Variants in JPT2 observed in about 807,000 individuals in gnomAD.
JPT2 encodes the protein Jupiter microtubule associated homolog 2.
Under a neutral mutation model 15.9 loss-of-function variants are expected in JPT2, and 9 were observed. The ratio of observed to expected loss-of-function variants is 0.57; its 90% CI spans 0.34 to 0.99. The LOEUF is 0.99. Ranked by LOEUF, JPT2 falls within the 50% of genes least tolerant of loss-of-function variation. The pLI, the probability that JPT2 is intolerant of heterozygous loss-of-function variation, is 0.02. For synonymous variants in JPT2, 95 were observed against 91.7 expected (o/e 1.04, Z -0.21); for missense variants, 267 against 252.1 (o/e 1.06, Z -0.40).
Position 1,701,100 on chromosome 16 carries a change from A to G in JPT2, c.*2102A>G, listed in dbSNP as rs2037177546. Reference sequence around the variant, plus strand: ...ACTGGGAGAAGAAGAGTTCCTGCGCATGCAAGCCCTGCTGTGTGGCTGTCG... The same window carrying G: ...ACTGGGAGAAGAAGAGTTCCTGCGCGTGCAAGCCCTGCTGTGTGGCTGTCG... On this transcript the variant is annotated 3_prime_UTR_variant, in exon 5 of 5. Transcript: ENST00000248098. 1 of 152,458 alleles carries G rather than the reference A, an allele frequency of 6.6e-6. No individual in the cohort carries two copies. Among genetic ancestry groups the G allele is most frequent in the South Asian group, 2.1e-4 (1 of 4,832 alleles). 9.4% of individuals were successfully genotyped at this position (152,458 alleles called of 1,614,324 possible).
chr16:1,693,389 G>A (rs552365248), intron 3 of JPT2, among the ~76,000 whole-genome samples: 1 of 152,192 alleles, frequency 6.6e-6, no homozygotes, highest in Non-Finnish European at 1.5e-5. Context: ...GAGCCACTGT[G>A]CCCTGCCATG....
At chr16:1,691,738 A>T in intron 2 of JPT2, 105 bp from the exon 3 acceptor site, 1 of 1,357,836 alleles carries the variant, frequency 7.4e-7, no homozygotes, top group Non-Finnish European at 9.8e-7. Flanking sequence ...CAGGGCTGGC[A>T]CTCGGGGTTC....
intron 1 of JPT2, chr16:1,683,475 T>C (rs557612280): frequency 2.4e-5 from 34 of 1,395,694 alleles, no homozygotes; most frequent in Non-Finnish European, 3.3e-5. Flanking sequence ...TAAGTGCACC[T>C]GTCTTTTTTT....
At chr16:1,683,314 A>G (rs2037039029) in intron 1 of JPT2, among the ~76,000 whole-genome samples, 1 of 151,134 alleles carries the variant, frequency 6.6e-6, no homozygotes, top group African/African-American at 2.4e-5. Context: ...GTCTCCCCAT[A>G]TGCCCAGGCG....
chr16:1,684,178 G>A (rs528693691), intron 1 of JPT2, among the ~76,000 whole-genome samples: 29 of 152,182 alleles, frequency 1.9e-4, no homozygotes, highest in Non-Finnish European at 3.4e-4. Flanking sequence ...TGAATCCATG[G>A]AAGCAGAGCC....
intron 2 of JPT2, among the ~76,000 whole-genome samples, chr16:1,687,593 T>G (rs1018313628): frequency 9.9e-5 from 15 of 152,148 alleles, no homozygotes; most frequent in African/African-American, 3.6e-4. Context: ...CTTTGCCCGT[T>G]CCACATGGTC....
At chr16:1,693,096 C>T (rs1297046087) in intron 3 of JPT2, among the ~76,000 whole-genome samples, 4 of 151,996 alleles carry the variant, frequency 2.6e-5, no homozygotes, top group South Asian at 2.1e-4. Context: ...CGTGTTTTTT[C>T]GTTTTATTTT....
At chr16:1,682,820 CT>C (rs2037034285) in intron 1 of JPT2, among the ~76,000 whole-genome samples, 1 of 151,938 alleles carries the variant, frequency 6.6e-6, no homozygotes. Context: ...ATTTTTTTTC[CT>C]TTTGGTGAAA....
intron 2 of JPT2, chr16:1,688,971 T>C (rs2037086487): frequency 6.6e-6 from 1 of 152,162 alleles, no homozygotes; most frequent in Non-Finnish European, 1.5e-5. Context: ...ATGTTTGTGG[T>C]TTCCAAAAAA....
rs2037166527 is a variant in JPT2, at chr16:1,699,418, C to T, written c.*420C>T. 5.2e-6 allele frequency: 2 copies of T among 383,728 alleles called. No individual in the cohort carries two copies. The highest frequency in any genetic ancestry group is 1.0e-5 in the Non-Finnish European group (2 of 191,672). 23.8% of individuals were successfully genotyped at this position (383,728 alleles called of 1,614,324 possible). Reference sequence around the variant, plus strand: ...AGCAGAAACACTAACAGTATATTGACCTCTTAGCAGAACCGCTTCCATTCT... The same window carrying T: ...AGCAGAAACACTAACAGTATATTGATCTCTTAGCAGAACCGCTTCCATTCT... On this transcript the variant is annotated 3_prime_UTR_variant, in exon 5 of 5. Coordinates refer to ENST00000248098, the MANE Select transcript of JPT2 (RefSeq NM_144570.3).
rs2037167287 is a variant in JPT2 at position 1,699,546 on chromosome 16, C to A, written c.*548C>A. 1.2e-5 allele frequency: 4 copies of A among 321,946 alleles called. No homozygotes were observed. Among genetic ancestry groups the A allele is most frequent in the South Asian group, 7.9e-5 (3 of 38,034 alleles). The allele number at this position is 321,946 out of a possible 1,614,324, so 19.9% of individuals were successfully genotyped here. A position where few individuals can be genotyped will look rare whatever the true frequency, so the allele number is the denominator to read the frequency against. ...CATCTTGATTGCTTTTCCTCGGCAG[C>A]TTTCAAAAAACCAAATAATAATAGT... On this transcript the variant is annotated 3_prime_UTR_variant, in exon 5 of 5. Coordinates refer to ENST00000248098, the MANE Select transcript of JPT2 (RefSeq NM_144570.3).
chr16:1,698,753 C>A lies in JPT2; in HGVS notation c.386-58C>A. ...ACACACTTTTTATTTCCACAGCCTG[C>A]CTGTCAGGGTCATGGGTTGCCTCTA... On this transcript the variant is annotated intron_variant, in intron 4 of 4. Coordinates refer to ENST00000248098, the MANE Select transcript of JPT2 (RefSeq NM_144570.3). This position sits in a 1 kb window ranked among gnomAD's most constrained non-coding sequence, Gnocchi z 4.9. 6.6e-7 allele frequency: 1 copy of A among 1,516,046 alleles called. No homozygotes were observed. Among genetic ancestry groups the A allele is most frequent in the South Asian group, 1.3e-5 (1 of 78,860 alleles). 93.9% of individuals were successfully genotyped at this position (1,516,046 alleles called of 1,614,324 possible).
intron 2 of JPT2, chr16:1,688,549 C>T (rs1018145030): frequency 6.6e-6 from 1 of 152,168 alleles, no homozygotes; most frequent in Non-Finnish European, 1.5e-5. Flanking sequence ...TTTGCACCAG[C>T]AGTATTTATC....
intron 1 of JPT2, among the ~76,000 whole-genome samples, chr16:1,679,872 C>T (rs1388663248): frequency 1.3e-5 from 2 of 151,626 alleles, no homozygotes; most frequent in African/African-American, 4.8e-5. Context: ...CTGGCCAACA[C>T]GGTGAAACCC....
chr16:1,692,060 GA>G, intron 3 of JPT2, 75 bp downstream of exon 3: 1 of 1,552,178 alleles, frequency 6.4e-7, no homozygotes, highest in African/African-American at 1.4e-5. Context: ...CTCCAAGGCA[GA>G]TGCGACATGT....
intron 1 of JPT2, among the ~76,000 whole-genome samples, chr16:1,680,779 AT>A (rs1227613251): frequency 6.6e-6 from 1 of 152,108 alleles, no homozygotes; most frequent in Non-Finnish European, 1.5e-5. Context: ...AAGCTGGAAC[AT>A]TTCTATTTGT....
chr16:1,696,739 T>C (rs2037144984), intron 3 of JPT2, among the ~76,000 whole-genome samples: 1 of 152,160 alleles, frequency 6.6e-6, no homozygotes, highest in Non-Finnish European at 1.5e-5. Flanking sequence ...GTCAGTGTTA[T>C]TAATAACTGG....
intron 3 of JPT2, among the ~76,000 whole-genome samples, chr16:1,693,962 AGTAAT>A (rs1228447490): frequency 6.6e-6 from 1 of 152,122 alleles, no homozygotes; most frequent in Admixed American, 6.5e-5. Flanking sequence ...TGATACTAAA[AGTAAT>A]GTAATTTACG....
intron 1 of JPT2, 134 bp downstream of exon 1, chr16:1,678,490 G>A: frequency 1.1e-6 from 1 of 917,040 alleles, no homozygotes; most frequent in African/African-American, 1.7e-5. Flanking sequence ...GAGGCCCTCG[G>A]GGCCGCCGCC....
Sources: allele counts gnomAD v4.1 joint callset (sites outside exome capture counted in the v4.1 genomes callset), GRCh38; gene constraint gnomAD v4.1.1; non-coding constraint Gnocchi (gnomAD v3.1); transcripts MANE v1.5; gene names NCBI Gene and HGNC (gene_info 2026-07-23, HGNC 2026-07-21).